USP28: variants seen among roughly 807,000 people sequenced by gnomAD.
USP28 encodes ubiquitin specific peptidase 28.
A neutral mutation model predicts 145.0 loss-of-function variants in USP28; 113 were observed. The ratio of observed to expected loss-of-function variants is 0.78; its 90% CI spans 0.67 to 0.91. The LOEUF is 0.91. USP28 is among the 40% of genes least tolerant of loss of function. The pLI is 0.00. For missense variants in USP28, 1,201 were observed against 1,289.6 expected, an observed-to-expected ratio of 0.93 and a Z score of 1.05; for synonymous variants, 447 against 450.9, an observed-to-expected ratio of 0.99 and a Z score of 0.11.
chr11:113,799,215 G>C, exon 25 of USP28: 1 of 1,601,664 alleles, frequency 6.2e-7, no homozygotes, highest in Non-Finnish European at 8.5e-7. Context: ...CCAGGAACCA[G>C]AATGGGCCTT....
At chr11:113,800,518 T>C (rs918924555) in intron 24 of USP28, among the ~76,000 whole-genome samples, 1 of 149,682 alleles carries the variant, frequency 6.7e-6, no homozygotes, top group South Asian at 2.1e-4. Flanking sequence ...CTCAAACTCC[T>C]GGGCTCAAGT....
chr11:113,818,012 A>G (rs758352148), intron 12 of USP28, 175 bp from the exon 13 acceptor site: 21 of 544,570 alleles, frequency 3.9e-5, no homozygotes, highest in Non-Finnish European at 6.0e-5. Context: ...CTAACTACAA[A>G]ACTAAAAATT....
intron 24 of USP28, 124 bp from the exon 26 acceptor site, chr11:113,799,539 A>G (rs923226413): frequency 3.6e-6 from 4 of 1,105,924 alleles, no homozygotes; most frequent in Middle Eastern, 2.6e-4. Context: ...CCAGTTACTA[A>G]TAAATGATTA....
chr11:113,856,107 C>G (rs1412752864), intron 1 of USP28, among the ~76,000 whole-genome samples: 1 of 152,118 alleles, frequency 6.6e-6, no homozygotes, highest in East Asian at 1.9e-4. Flanking sequence ...CAGATTCAGC[C>G]TGAGCAAAAA....
At chr11:113,812,587 T>C in intron 15 of USP28, 83 bp from the exon 16 acceptor site, 2 of 1,230,164 alleles carry the variant, frequency 1.6e-6, no homozygotes, top group Admixed American at 2.0e-5. Context: ...TTACTGTTTA[T>C]GATGTGATTA....
At chr11:113,851,460 G>A (rs1384334630) in intron 3 of USP28, among the ~76,000 whole-genome samples, 2 of 151,950 alleles carry the variant, frequency 1.3e-5, no homozygotes, top group African/African-American at 4.8e-5. Context: ...CCATCTTAGG[G>A]CCTCAAATGA....
At chr11:113,871,915 T>C (rs1309320123) in intron 1 of USP28, among the ~76,000 whole-genome samples, 13 of 152,158 alleles carry the variant, frequency 8.5e-5, no homozygotes, top group Admixed American at 6.6e-4. Flanking sequence ...CCTTGGGCTC[T>C]TGGGGTCAGA....
chr11:113,857,977 C>T (rs1344687305), intron 1 of USP28, among the ~76,000 whole-genome samples: 1 of 152,036 alleles, frequency 6.6e-6, no homozygotes, highest in Non-Finnish European at 1.5e-5. Context: ...GTGACTCTCC[C>T]ACCTCAGCTT....
intron 1 of USP28, among the ~76,000 whole-genome samples, chr11:113,863,257 TA>T (rs899365519): frequency 4.0e-4 from 61 of 151,508 alleles, no homozygotes; most frequent in African/African-American, 1.1e-3. Context: ...AAAAGGAAAT[TA>T]AAAAAAAATT....
At chr11:113,800,213 G>C (rs1054289834) in intron 24 of USP28, among the ~76,000 whole-genome samples, 3 of 152,118 alleles carry the variant, frequency 2.0e-5, no homozygotes, top group African/African-American at 4.8e-5. Context: ...CACCATGTGA[G>C]CCAGGATGGT....
Position 113,806,995 on chromosome 11 carries a change from G to A in USP28, c.2305-411C>T, listed in dbSNP as rs372086745. 3.3e-5 allele frequency among the ~76,000 whole-genome samples: 5 copies of A among 152,074 alleles called. No homozygotes were observed. The East Asian group carries it at 7.7e-4, about 24-fold the overall frequency. On this transcript the variant is annotated intron_variant, in intron 18 of 24. Coordinates refer to ENST00000003302, the Ensembl canonical transcript of USP28. ...ACACAAATACTTTAGAGTTTTACTAGGATAAACAGTACATTTAAAATAGTC... is the reference window on the plus strand; with the variant it reads ...ACACAAATACTTTAGAGTTTTACTAAGATAAACAGTACATTTAAAATAGTC...
At chr11:113,849,071 AG>A (rs1946182175) in intron 3 of USP28, among the ~76,000 whole-genome samples, 1 of 152,232 alleles carries the variant, frequency 6.6e-6, no homozygotes, top group Admixed American at 6.5e-5. Context: ...GGCGGATGTC[AG>A]AGAAACACTT....
intron 9 of USP28, 82 bp downstream of exon 9, chr11:113,830,785 C>T: frequency 2.2e-6 from 3 of 1,344,102 alleles, no homozygotes; most frequent in East Asian, 2.3e-5. Context: ...CAAGCCTATT[C>T]ACTATACTGC....
chr11:113,819,780 C>T (rs908074589), intron 12 of USP28, among the ~76,000 whole-genome samples: 2 of 152,112 alleles, frequency 1.3e-5, no homozygotes, highest in Non-Finnish European at 2.9e-5. Context: ...GGTGCAATGG[C>T]GTGATCTTGG....
At chr11:113,799,248 C>T in exon 25 of USP28, 1 of 1,612,482 alleles carries the variant, frequency 6.2e-7, no homozygotes, top group South Asian at 1.1e-5. Flanking sequence ...GCTTATTTCA[C>T]TGTCACAGTT....
chr11:113,842,422 A>AAAATAC (rs1432042661), intron 3 of USP28, among the ~76,000 whole-genome samples: 2 of 152,030 alleles, frequency 1.3e-5, no homozygotes, highest in African/African-American at 4.8e-5. Context: ...CGTCTCTACT[A>AAAATAC]AAAATACAAA....
intron 1 of USP28, among the ~76,000 whole-genome samples, chr11:113,873,115 G>C (rs1948999640): frequency 6.6e-6 from 1 of 152,124 alleles, no homozygotes; most frequent in Non-Finnish European, 1.5e-5. Context: ...TTAAGGGAAA[G>C]GTAGAATGCC....
At chr11:113,852,577 C>T (rs544078507) in exon 3 of USP28, 2 of 1,614,164 alleles carry the variant, frequency 1.2e-6, no homozygotes, top group Non-Finnish European at 1.7e-6. Flanking sequence ...GACTGGGCTC[C>T]TTAACTCTCT....
rs553377810 is a variant in USP28 at position 113,804,556 on chromosome 11, G to A, written c.2658+117C>T. ...ATCCATTCTTTACCAGGATTTTGAG[G>A]GGAAAGTGGAAGAACAAGTCAGTTT... On this transcript the variant is annotated intron_variant, in intron 21 of 24. Coordinates refer to ENST00000003302, the Ensembl canonical transcript of USP28. The A allele has an allele frequency of 4.9e-5, 41 of 838,760 alleles. No homozygotes were observed. In the African/African-American group the frequency reaches 6.3e-4, roughly 13 times the overall value. 52.0% of individuals were successfully genotyped at this position (838,760 alleles called of 1,614,324 possible). A position where few individuals can be genotyped will look rare whatever the true frequency, so the allele number is the denominator to read the frequency against.
Sources: allele counts gnomAD v4.1 joint callset (sites outside exome capture counted in the v4.1 genomes callset), GRCh38; gene constraint gnomAD v4.1.1; transcripts MANE v1.5; gene names NCBI Gene and HGNC (gene_info 2026-07-23, HGNC 2026-07-21).